The following TSHZ2 variants were observed in gnomAD, a reference collection of about 807,000 sequenced individuals.
TSHZ2 encodes teashirt zinc finger homeobox 2.
Under a neutral mutation model 74.4 loss-of-function variants are expected in TSHZ2, and 21 were observed. That is an observed-to-expected ratio of 0.28 (90% CI 0.20 to 0.41). The LOEUF (loss-of-function observed/expected upper bound fraction) is 0.41, where lower values mean the gene tolerates loss of function less well. TSHZ2 is among the 10% of genes least tolerant of loss of function. The pLI, the probability that TSHZ2 is intolerant of heterozygous loss-of-function variation, is 1.00. For synonymous variants in TSHZ2, 540 were observed against 515.3 expected (o/e 1.05, Z -0.65); for missense variants, 1,244 against 1,293.5 (o/e 0.96, Z 0.59).
intron 1 of TSHZ2, among the ~76,000 whole-genome samples, chr20:52,979,177 A>G (rs1379005618): frequency 6.6e-6 from 1 of 152,082 alleles, no homozygotes; most frequent in East Asian, 1.9e-4. Context: ...CACTGGATTT[A>G]TAATTTCTTT....
At chr20:53,379,020 A>AT (rs1298858924) in intron 2 of TSHZ2, among the ~76,000 whole-genome samples, 2 of 152,124 alleles carry the variant, frequency 1.3e-5, no homozygotes, top group African/African-American at 2.4e-5. Flanking sequence ...ACCATGTGGG[A>AT]TTTTTTTGTT....
chr20:53,479,459 G>A (rs1234814254), intron 2 of TSHZ2, among the ~76,000 whole-genome samples: 2 of 152,184 alleles, frequency 1.3e-5, no homozygotes, highest in Non-Finnish European at 2.9e-5. Context: ...GGTAAACGCA[G>A]AGCAATATGG....
intron 2 of TSHZ2, among the ~76,000 whole-genome samples, chr20:53,258,180 G>A (rs562092497): frequency 2.6e-4 from 40 of 152,292 alleles, no homozygotes; most frequent in African/African-American, 9.1e-4. Flanking sequence ...GATTGAATGT[G>A]TTATTGGCAG....
chr20:53,392,356 A>G (rs1982287422), intron 2 of TSHZ2, among the ~76,000 whole-genome samples: 1 of 152,154 alleles, frequency 6.6e-6, no homozygotes, highest in Non-Finnish European at 1.5e-5. Flanking sequence ...AGGCAGGAGA[A>G]TCACTTGAAC....
At chr20:53,185,877 G>A (rs1988585815) in intron 1 of TSHZ2, among the ~76,000 whole-genome samples, 1 of 152,094 alleles carries the variant, frequency 6.6e-6, no homozygotes, top group Non-Finnish European at 1.5e-5. Flanking sequence ...TCATTTTGTT[G>A]GCTCTTAACT....
At chr20:53,405,296 T>C (rs896566942) in intron 2 of TSHZ2, among the ~76,000 whole-genome samples, 65 of 151,876 alleles carry the variant, frequency 4.3e-4, no homozygotes, top group African/African-American at 1.6e-3. Context: ...AAACTTGTTG[T>C]AACTTGAAGT....
intron 1 of TSHZ2, among the ~76,000 whole-genome samples, chr20:53,095,196 C>T (rs750462612): frequency 6.6e-6 from 1 of 152,188 alleles, no homozygotes; most frequent in African/African-American, 2.4e-5. Context: ...TTCTCTGGGT[C>T]ACTTTTGCTA....
rs577126900 is a variant in TSHZ2, at chr20:52,973,177, G to A, written c.-117G>A. The A allele has an allele frequency of 2.0e-3, 2,785 of 1,364,810 alleles. 3 individuals are homozygous for A. Among genetic ancestry groups the A allele is most frequent in the Non-Finnish European group, 2.7e-3 (2,632 of 987,828 alleles). 84.5% of individuals were successfully genotyped at this position (1,364,810 alleles called of 1,614,324 possible). ...GTCAGGGGGACAGAGGCCGAGTGAC[G>A]TCCTAGGAGCCACCGGGCAAGAGGC... On this transcript the variant is annotated 5_prime_UTR_variant, in exon 1 of 3. Coordinates refer to ENST00000371497, the MANE Select transcript of TSHZ2 (RefSeq NM_173485.6).
At chr20:53,002,303 C>T (rs149561244) in intron 1 of TSHZ2, among the ~76,000 whole-genome samples, 10 of 152,310 alleles carry the variant, frequency 6.6e-5, no homozygotes, top group Admixed American at 3.3e-4. Flanking sequence ...CTTCCAAGCC[C>T]GTGCTGTCGA....
At chr20:53,019,525 A>G (rs1419264001) in intron 1 of TSHZ2, among the ~76,000 whole-genome samples, 5 of 151,592 alleles carry the variant, frequency 3.3e-5, no homozygotes, top group Non-Finnish European at 7.4e-5. Flanking sequence ...GTTGGGGGAG[A>G]CCCCTGTTGT....
chr20:53,000,678 A>G (rs1201629824), intron 1 of TSHZ2, among the ~76,000 whole-genome samples: 6 of 152,206 alleles, frequency 3.9e-5, no homozygotes, highest in Non-Finnish European at 8.8e-5. Flanking sequence ...TGAATAGGGA[A>G]AAGTCAAAAT....
intron 2 of TSHZ2, among the ~76,000 whole-genome samples, chr20:53,257,780 A>G (rs925786112): frequency 6.6e-6 from 1 of 152,228 alleles, no homozygotes; most frequent in African/African-American, 2.4e-5. Flanking sequence ...ATGTTAAGTT[A>G]CGGATTTGCT....
rs141598144 is a variant in TSHZ2, at chr20:53,414,362, G to A, written c.*9-72782G>A. ...TGGCTCAACATAGTGGCTCACACCT[G>A]TAATCCCAGCACTTTGGGAGGCCAA... On this transcript the variant is annotated intron_variant, in intron 2 of 2. Transcript: ENST00000371497. 2.6e-4 allele frequency among the ~76,000 whole-genome samples: 39 copies of A among 152,194 alleles called. 1 individual carries two copies. In the East Asian group the frequency reaches 6.8e-3, roughly 26 times the overall value.
chr20:53,313,451 C>T lies in TSHZ2; in HGVS notation c.*8+56880C>T, dbSNP rs149052720. Among the ~76,000 whole-genome samples the T allele has an allele frequency of 3.7e-4, 57 of 152,266 alleles. 1 individual carries two copies. The highest frequency in any genetic ancestry group is 1.1e-3 in the African/African-American group (47 of 41,560). Reference sequence around the variant, plus strand: ...TGCTTTAGGCTGAAATAAAGGGATGCCCTGGGGTCCCTACAGCATAAAAGG... The same window carrying T: ...TGCTTTAGGCTGAAATAAAGGGATGTCCTGGGGTCCCTACAGCATAAAAGG... On this transcript the variant is annotated intron_variant, in intron 2 of 2. Coordinates refer to ENST00000371497, the MANE Select transcript of TSHZ2 (RefSeq NM_173485.6).
At chr20:53,272,993 G>A (rs1426718202) in intron 2 of TSHZ2, among the ~76,000 whole-genome samples, 3 of 152,218 alleles carry the variant, frequency 2.0e-5, no homozygotes, top group Non-Finnish European at 4.4e-5. Context: ...AGAGGAGATT[G>A]AAAAGACAGG....
At chr20:53,139,048 G>A (rs1987322670) in intron 1 of TSHZ2, among the ~76,000 whole-genome samples, 2 of 152,208 alleles carry the variant, frequency 1.3e-5, no homozygotes, top group Non-Finnish European at 2.9e-5. Context: ...TGAGAAAGTT[G>A]TTCTGACAGT....
At chr20:53,051,457 G>GCGCACACACACA (rs778579793) in intron 1 of TSHZ2, among the ~76,000 whole-genome samples, 12 of 145,208 alleles carry the variant, frequency 8.3e-5, no homozygotes, top group East Asian at 2.0e-4. Flanking sequence ...TGTGGCGCAC[G>GCGCACACACACA]CACACACACA....
chr20:53,129,512 T>C (rs1396583036), intron 1 of TSHZ2, among the ~76,000 whole-genome samples: 2 of 152,244 alleles, frequency 1.3e-5, no homozygotes, highest in African/African-American at 4.8e-5. Context: ...TATCCATTTA[T>C]AGCTATAATA....
At chr20:53,003,873 C>T (rs1982534840) in intron 1 of TSHZ2, among the ~76,000 whole-genome samples, 1 of 151,912 alleles carries the variant, frequency 6.6e-6, no homozygotes. Flanking sequence ...CTTTCCTTCT[C>T]TTTCCTTCTT....
Sources: allele counts gnomAD v4.1 joint callset (sites outside exome capture counted in the v4.1 genomes callset), GRCh38; gene constraint gnomAD v4.1.1; transcripts MANE v1.5; gene names NCBI Gene and HGNC (gene_info 2026-07-23, HGNC 2026-07-21).